RSPH9: variants seen among roughly 807,000 people sequenced by gnomAD.
RSPH9 encodes radial spoke head protein 9 homolog.
In RSPH9, 27 loss-of-function variants were observed where a neutral mutation model predicts 27.0. The ratio of observed to expected loss-of-function variants is 1.00; its 90% CI spans 0.74 to 1.38. The LOEUF (loss-of-function observed/expected upper bound fraction) is 1.38. Among genes scored for constraint, RSPH9 ranks in the 40% most tolerant of loss-of-function variants. The pLI, the probability that RSPH9 is intolerant of heterozygous loss-of-function variation, is 0.00. For missense variants in RSPH9, 347 were observed against 357.4 expected, an observed-to-expected ratio of 0.97 and a Z score of 0.24; for synonymous variants, 145 against 147.7, an observed-to-expected ratio of 0.98 and a Z score of 0.13.
intron 1 of RSPH9, among the ~76,000 whole-genome samples, chr6:43,645,791 G>T (rs546516604): frequency 1.1e-4 from 16 of 152,354 alleles, no homozygotes; most frequent in Non-Finnish European, 2.1e-4. Context: ...AGAAGGCTCA[G>T]TTTGGAGAAG....
At position 43,671,337 on chromosome 6, in the gene RSPH9, A is replaced by G; in HGVS notation, c.*388A>G. On this transcript the variant is annotated 3_prime_UTR_variant, in exon 5 of 5. Transcript: ENST00000372163. ...AGGATGGGACCTGTTTGGCCCATGA[A>G]TTCAATTGACTCATTGGCCCCATCA... The G allele has an allele frequency of 2.5e-6, 1 of 405,272 alleles. No homozygotes were observed. Among genetic ancestry groups the G allele is most frequent in the Non-Finnish European group, 4.5e-6 (1 of 219,834 alleles). 25.1% of individuals were successfully genotyped at this position (405,272 alleles called of 1,614,324 possible). A position where few individuals can be genotyped will look rare whatever the true frequency, so the allele number is the denominator to read the frequency against.
chr6:43,668,408 C>T (rs1773366417), intron 4 of RSPH9, among the ~76,000 whole-genome samples: 2 of 152,062 alleles, frequency 1.3e-5, no homozygotes, highest in South Asian at 2.1e-4. Flanking sequence ...CCCTACATGC[C>T]GCTACCGTAC....
intron 2 of RSPH9, among the ~76,000 whole-genome samples, chr6:43,652,820 T>C (rs185043070): frequency 1.3e-5 from 2 of 152,204 alleles, no homozygotes; most frequent in South Asian, 2.1e-4. Context: ...AGTTTTATTT[T>C]ATTTTTATTT....
At chr6:43,646,923 C>T (rs1247483777) in intron 1 of RSPH9, among the ~76,000 whole-genome samples, 1 of 150,196 alleles carries the variant, frequency 6.7e-6, no homozygotes, top group Non-Finnish European at 1.5e-5. Context: ...GCCACGCACT[C>T]CAGCCTGGGT....
chr6:43,655,509 G>A (rs903721516), intron 2 of RSPH9, 53 bp from the exon 3 acceptor site: 80 of 1,610,124 alleles, frequency 5.0e-5, no homozygotes, highest in Admixed American at 5.0e-5. Context: ...ACCTTGCGCC[G>A]GGGTGCCTGG....
intron 4 of RSPH9, among the ~76,000 whole-genome samples, chr6:43,665,722 G>A (rs1246491855): frequency 1.3e-5 from 2 of 152,200 alleles, no homozygotes; most frequent in African/African-American, 2.4e-5. Flanking sequence ...GTGGGCCTCA[G>A]GGGAGGGATG....
At chr6:43,666,577 C>T (rs545641398) in intron 4 of RSPH9, 2 of 1,162,220 alleles carry the variant, frequency 1.7e-6, no homozygotes, top group Non-Finnish European at 2.5e-6. Context: ...GACACCTTGG[C>T]TGAAGAGAGG....
intron 4 of RSPH9, among the ~76,000 whole-genome samples, chr6:43,663,227 A>T (rs1179608140): frequency 1.3e-5 from 2 of 149,776 alleles, no homozygotes; most frequent in Non-Finnish European, 3.0e-5. Flanking sequence ...TTTATTTTTT[A>T]TTTTTTTTTG....
At chr6:43,655,816 A>G in intron 3 of RSPH9, 125 bp downstream of exon 3, 1 of 1,170,990 alleles carries the variant, frequency 8.5e-7, no homozygotes, top group Non-Finnish European at 1.2e-6. Context: ...CTGTGACCTT[A>G]TCACCTGGGA....
intron 4 of RSPH9, among the ~76,000 whole-genome samples, chr6:43,661,764 A>G (rs557439875): frequency 6.6e-6 from 1 of 151,872 alleles, no homozygotes; most frequent in African/African-American, 2.4e-5. Flanking sequence ...TAGCCGCCTT[A>G]ATCAGTGATC....
intron 4 of RSPH9, among the ~76,000 whole-genome samples, chr6:43,660,480 T>C (rs1159011870): frequency 2.0e-5 from 3 of 151,984 alleles, no homozygotes; most frequent in Non-Finnish European, 1.5e-5. Context: ...TATTTATTTT[T>C]TGAGACAGAG....
At chr6:43,665,068 T>C (rs532134926) in intron 4 of RSPH9, among the ~76,000 whole-genome samples, 9 of 152,286 alleles carry the variant, frequency 5.9e-5, no homozygotes, top group Admixed American at 2.6e-4. Flanking sequence ...AAGATGAAAC[T>C]CTCCTTTGTG....
At chr6:43,658,291 C>CAAAAAAAAAA in intron 4 of RSPH9, among the ~76,000 whole-genome samples, 1 of 24,856 alleles carries the variant, frequency 4.0e-5, no homozygotes, top group Non-Finnish European at 8.1e-5. Flanking sequence ...AACTCCGTCT[C>CAAAAAAAAAA]AAAAAAAAAA....
chr6:43,649,832 G>A (rs961143944), intron 1 of RSPH9, among the ~76,000 whole-genome samples: 4 of 152,158 alleles, frequency 2.6e-5, no homozygotes, highest in Non-Finnish European at 1.5e-5. Context: ...TTCACAGTCC[G>A]GATATCTAGG....
chr6:43,669,135 C>T (rs1773443731), intron 4 of RSPH9, among the ~76,000 whole-genome samples: 1 of 152,186 alleles, frequency 6.6e-6, no homozygotes, highest in African/African-American at 2.4e-5. Context: ...GGCAGTGTTC[C>T]AGCCGGAGCC....
In RSPH9 at chr6:43,651,838, C is replaced by T. The variant is rs561524677; in HGVS notation, c.393+1298C>T. ...TATTGGGATTACAGGCGTGAGCCAC[C>T]GCACACAGTCTGACGTTAACTATTT... On this transcript the variant is annotated intron_variant, in intron 2 of 4. Coordinates refer to ENST00000372163, the MANE Select transcript of RSPH9 (RefSeq NM_152732.5). Among the ~76,000 whole-genome samples, 185 of 152,182 alleles carry T rather than the reference C, an allele frequency of 1.2e-3. 2 individuals are homozygous for T. The highest frequency in any genetic ancestry group is 2.3e-3 in the East Asian group (12 of 5,152).
chr6:43,661,189 C>A (rs1772570038), intron 4 of RSPH9, among the ~76,000 whole-genome samples: 1 of 152,168 alleles, frequency 6.6e-6, no homozygotes, highest in South Asian at 2.1e-4. Flanking sequence ...GTTGTTCCAT[C>A]TATAGAGCAC....
chr6:43,656,752 GATCTGTCCTCAGGCCAT>G, intron 4 of RSPH9, 29 bp downstream of exon 4: 1 of 1,612,190 alleles, frequency 6.2e-7, no homozygotes, highest in Non-Finnish European at 8.5e-7. Context: ...GAGGCCATGG[GATCTGTCCTCAGGCCAT>G]AGCAGTGGGC....
At chr6:43,656,171 T>C (rs1772029217) in intron 3 of RSPH9, among the ~76,000 whole-genome samples, 1 of 146,330 alleles carries the variant, frequency 6.8e-6, no homozygotes, top group African/African-American at 2.5e-5. Context: ...CTGCAACCCC[T>C]GCCTCCTGGG....
Sources: gnomAD v4.1 joint callset for allele counts (sites outside exome capture counted in the v4.1 genomes callset) on GRCh38, gnomAD v4.1.1 for gene constraint, MANE v1.5 for transcripts, NCBI Gene and HGNC (gene_info 2026-07-23, HGNC 2026-07-21) for gene names.